Variants in ZNF789 observed in about 807,000 individuals in gnomAD.
The protein encoded by ZNF789 is zinc finger protein 789.
Under a neutral mutation model 15.6 loss-of-function variants are expected in ZNF789, and 11 were observed. The ratio of observed to expected loss-of-function variants is 0.70; its 90% CI spans 0.44 to 1.16. The LOEUF (loss-of-function observed/expected upper bound fraction) is 1.16, where lower values mean the gene tolerates loss of function less well. Among genes scored for constraint, ZNF789 ranks in the 50% most tolerant of loss-of-function variants. The probability of loss-of-function intolerance (pLI) is 0.00; values close to 1 mark genes in which losing one functional copy is unlikely to be tolerated. For synonymous variants in ZNF789, 159 were observed against 176.0 expected, an observed-to-expected ratio of 0.90 and a Z score of 0.76; for missense variants, 461 against 512.6, an observed-to-expected ratio of 0.90 and a Z score of 0.97.
chr7:99,486,309 C>G (rs955259624), intron 4 of ZNF789, among the ~76,000 whole-genome samples, 167 bp from the exon 5 acceptor site: 1 of 151,880 alleles, frequency 6.6e-6, no homozygotes, highest in Non-Finnish European at 1.5e-5. Context: ...AGAGAGACTC[C>G]GTCTCAAAAA....
intron 3 of ZNF789, among the ~76,000 whole-genome samples, chr7:99,483,493 G>A (rs940280991): frequency 6.6e-6 from 1 of 152,050 alleles, no homozygotes; most frequent in Admixed American, 6.6e-5. Context: ...AGCAAAGCGT[G>A]GGGGCGCTGT....
At chr7:99,474,468 C>T (rs935580895) in intron 1 of ZNF789, among the ~76,000 whole-genome samples, 9 of 152,092 alleles carry the variant, frequency 5.9e-5, no homozygotes, top group Non-Finnish European at 1.3e-4. Flanking sequence ...GTGGCGGGCG[C>T]CTGTAGTCCC....
rs188211286 is a variant in ZNF789, at chr7:99,483,485, C to G, written c.152-545C>G. ...TCTCTAATAAAAATACAAAACTTAG[C>G]AAAGCGTGGGGGCGCTGTGCCTGTA... On this transcript the variant is annotated intron_variant, in intron 3 of 4. Transcript: ENST00000331410. Among the ~76,000 whole-genome samples, 515 of 152,056 alleles carry G rather than the reference C, an allele frequency of 3.4e-3. 2 individuals are homozygous for G. Among genetic ancestry groups the G allele is most frequent in the South Asian group, 0.011 (52 of 4,822 alleles).
chr7:99,478,556 A>G (rs2151057239), intron 2 of ZNF789: 2 of 402,278 alleles, frequency 5.0e-6, no homozygotes, highest in East Asian at 7.2e-5. Flanking sequence ...TTCCCTGCAC[A>G]CATCCCCTCT....
chr7:99,476,731 C>A (rs946566585), intron 2 of ZNF789, among the ~76,000 whole-genome samples: 4 of 152,150 alleles, frequency 2.6e-5, no homozygotes, highest in Non-Finnish European at 5.9e-5. Context: ...TGAAAAACAC[C>A]CTGTGAAGTC....
rs1304044080 is a variant in ZNF789, at chr7:99,476,444, G to C, written c.-13G>C. On this transcript the variant is annotated 5_prime_UTR_variant, in exon 2 of 5. Coordinates refer to ENST00000331410, the MANE Select transcript of ZNF789 (RefSeq NM_213603.3). ...GGATCCCACCCCTTGCAAAAGACCA[G>C]GCCGTGGAAGCCATGTTCCCACCAG... The C allele has an allele frequency of 6.2e-7, 1 of 1,609,828 alleles. No individual in the cohort carries two copies. Among genetic ancestry groups the C allele is most frequent in the Non-Finnish European group, 8.5e-7 (1 of 1,178,446 alleles).
chr7:99,487,024 CTTG>C lies in ZNF789; in HGVS notation c.818_820del (p.Val273del). The C allele has an allele frequency of 6.2e-7, 1 of 1,614,068 alleles. No homozygotes were observed. The highest frequency in any genetic ancestry group is 8.5e-7 in the Non-Finnish European group (1 of 1,180,032). On this transcript the variant is annotated inframe_deletion, in exon 5 of 5. Transcript: ENST00000331410. The stretch of plus-strand genomic sequence containing the variant: ...AAAGTGTTTTCGGCAGCTCGCGTAT[CTTG>C]TTGAACATAAGAGGATTCACACCAA...
intron 2 of ZNF789, among the ~76,000 whole-genome samples, chr7:99,477,688 G>A (rs1360200517): frequency 6.6e-6 from 1 of 152,054 alleles, no homozygotes; most frequent in African/African-American, 2.4e-5. Flanking sequence ...GCTCATGCCT[G>A]GAATCCCAGC....
At chr7:99,486,366 T>A (rs1293629661) in intron 4 of ZNF789, 110 bp from the exon 5 acceptor site, 5 of 1,106,914 alleles carry the variant, frequency 4.5e-6, no homozygotes, top group Non-Finnish European at 6.3e-6. Flanking sequence ...GTAAACGAGA[T>A]CACTTCTTAG....
chr7:99,484,360 G>A (rs1162097660), intron 4 of ZNF789, among the ~76,000 whole-genome samples: 1 of 152,166 alleles, frequency 6.6e-6, no homozygotes, highest in African/African-American at 2.4e-5. Flanking sequence ...ACGCGGTGGC[G>A]CATTCCTGTA....
intron 4 of ZNF789, among the ~76,000 whole-genome samples, chr7:99,486,179 A>G (rs929439912): frequency 1.3e-5 from 2 of 152,204 alleles, no homozygotes; most frequent in South Asian, 2.1e-4. Flanking sequence ...TCAGCTGAGC[A>G]TGATGGCTGG....
At position 99,484,102 on chromosome 7, in the gene ZNF789, C is replaced by A; in HGVS notation, c.224C>A (p.Pro75Gln). 1 of 1,613,958 alleles carries A rather than the reference C, an allele frequency of 6.2e-7. No individual in the cohort carries two copies. The highest frequency in any genetic ancestry group is 8.5e-7 in the Non-Finnish European group (1 of 1,179,992). The change falls in exon 4 of 5, where the codon CCG (proline) becomes CAG (glutamine). Residue 75 changes from proline to glutamine, a missense_variant. Physicochemically the swap from Pro to Gln is moderately conservative, Grantham distance 76 (BLOSUM62 -1). Transcript: ENST00000331410. ...NWDEQWILDL[P>Q]RTGNRKASGS... Reference sequence around the variant, plus strand: ...GACGAGCAGTGGATCCTGGATCTACCGAGAACTGGGAATAGGAAGGCTTCC... The same window carrying A: ...GACGAGCAGTGGATCCTGGATCTACAGAGAACTGGGAATAGGAAGGCTTCC...
intron 2 of ZNF789, among the ~76,000 whole-genome samples, chr7:99,476,765 G>A (rs886541698): frequency 1.1e-4 from 16 of 152,288 alleles, no homozygotes; most frequent in East Asian, 1.9e-4. Flanking sequence ...CTGGTTACTC[G>A]TTTAGCACTG....
intron 3 of ZNF789, chr7:99,481,858 A>T (rs1799646964): frequency 5.6e-6 from 2 of 354,578 alleles, no homozygotes; most frequent in South Asian, 3.4e-5. Flanking sequence ...CAGTAAATAG[A>T]GTAGATAATA....
chr7:99,484,998 C>T (rs1160634919), intron 4 of ZNF789, among the ~76,000 whole-genome samples: 1 of 152,096 alleles, frequency 6.6e-6, no homozygotes, highest in East Asian at 1.9e-4. Context: ...TATCCTCTCT[C>T]TCCTGCAGGA....
chr7:99,487,237 T>G lies in ZNF789; in HGVS notation c.1027T>G (p.Cys343Gly). The G allele has an allele frequency of 6.2e-7, 1 of 1,614,196 alleles. No homozygotes were observed. Among genetic ancestry groups the G allele is most frequent in the Non-Finnish European group, 8.5e-7 (1 of 1,180,030 alleles). The change falls in exon 5 of 5, where the codon TGC (cysteine) becomes GGC (glycine). Residue 343 changes from cysteine to glycine, a missense_variant. Physicochemically the swap from Cys to Gly is radical, Grantham distance 159. Transcript: ENST00000331410. ...QIHSKPNTHKCSECGQSFGRN... is the reference protein window; with the variant it reads ...QIHSKPNTHKGSECGQSFGRN... ...TCACAGTAAACCGAACACCCATAAA[T>G]GCAGTGAATGTGGACAGTCCTTTGG...
chr7:99,476,842 A>G (rs1327462137), intron 2 of ZNF789, among the ~76,000 whole-genome samples: 5 of 152,190 alleles, frequency 3.3e-5, no homozygotes, highest in Admixed American at 2.0e-4. Context: ...ATTATTGTGC[A>G]CCTACTGCTG....
At chr7:99,475,475 G>C (rs1799279788) in intron 1 of ZNF789, among the ~76,000 whole-genome samples, 2 of 152,168 alleles carry the variant, frequency 1.3e-5, no homozygotes, top group African/African-American at 4.8e-5. Flanking sequence ...GGTGAGGGTT[G>C]AGTGACCCCT....
intron 2 of ZNF789, among the ~76,000 whole-genome samples, chr7:99,477,733 G>A (rs1235171660): frequency 6.6e-6 from 1 of 152,164 alleles, no homozygotes; most frequent in Non-Finnish European, 1.5e-5. Flanking sequence ...ATTGCCTGAG[G>A]TCAGGAGTTT....
Sources: allele counts gnomAD v4.1 joint callset (sites outside exome capture counted in the v4.1 genomes callset), GRCh38; gene constraint gnomAD v4.1.1; transcripts MANE v1.5; gene names NCBI Gene and HGNC (gene_info 2026-07-23, HGNC 2026-07-21).